FER: variants seen among roughly 807,000 people sequenced by gnomAD.
FER encodes the protein FER tyrosine kinase, also known as tyrosine-protein kinase Fer.
A neutral mutation model predicts 111.0 loss-of-function variants in FER; 63 were observed. The observed-to-expected ratio is 0.57, with a 90% CI of 0.46 to 0.70. The LOEUF (loss-of-function observed/expected upper bound fraction) is 0.70, where lower values mean the gene tolerates loss of function less well. FER is among the 30% of genes least tolerant of loss of function. FER has a pLI of 0.00. For synonymous variants in FER, 327 were observed against 313.9 expected (o/e 1.04, Z -0.44); for missense variants, 914 against 954.0 (o/e 0.96, Z 0.55).
intron 13 of FER, among the ~76,000 whole-genome samples, chr5:109,011,201 T>C (rs1326149841): frequency 7.2e-5 from 11 of 152,154 alleles, no homozygotes; most frequent in Admixed American, 1.3e-4. Context: ...GTATTAGAAA[T>C]TCTTCTAAGA....
At chr5:108,988,983 ATTGTT>A (rs1762869324) in intron 13 of FER, among the ~76,000 whole-genome samples, 1 of 152,074 alleles carries the variant, frequency 6.6e-6, no homozygotes, top group East Asian at 1.9e-4. Flanking sequence ...ACATTGTGTC[ATTGTT>A]ATTGTTCGTT....
chr5:108,942,954 G>C (rs1003650426), intron 10 of FER, among the ~76,000 whole-genome samples: 4 of 152,096 alleles, frequency 2.6e-5, no homozygotes, highest in Non-Finnish European at 1.5e-5. Context: ...GTAGCTGGCT[G>C]TTCCTACAGA....
Position 109,146,266 on chromosome 5 carries a change from A to C in FER, c.2049-34481A>C, listed in dbSNP as rs546720123. ...TATAATCTATCTAATATATATATATATATATATATATATATATATATATAT... is the reference window on the plus strand; with the variant it reads ...TATAATCTATCTAATATATATATATCTATATATATATATATATATATATAT... On this transcript the variant is annotated intron_variant, in intron 17 of 19. Transcript: ENST00000281092. Among the ~76,000 whole-genome samples, 52 of 88,166 alleles carry C rather than the reference A, an allele frequency of 5.9e-4. 1 individual carries two copies. The highest frequency in any genetic ancestry group is 2.6e-3 in the African/African-American group (49 of 18,966). 57.8% of individuals were successfully genotyped at this position (88,166 alleles called of 152,430 possible).
At chr5:108,759,849 G>T (rs747112063) in intron 1 of FER, among the ~76,000 whole-genome samples, 13 of 152,156 alleles carry the variant, frequency 8.5e-5, no homozygotes, top group Non-Finnish European at 1.9e-4. Context: ...CCAATACAAT[G>T]ACCCTGGGGA....
chr5:108,825,341 G>A (rs1012723568), intron 3 of FER, among the ~76,000 whole-genome samples: 6 of 152,190 alleles, frequency 3.9e-5, no homozygotes, highest in Non-Finnish European at 5.9e-5. Flanking sequence ...CCCTAGGTGC[G>A]CATTCTCTTT....
intron 13 of FER, among the ~76,000 whole-genome samples, chr5:108,980,005 A>G (rs1761848096): frequency 6.6e-6 from 1 of 152,056 alleles, no homozygotes; most frequent in South Asian, 2.1e-4. Context: ...CATTAAAGTG[A>G]TCTGTGGTTT....
chr5:108,848,251 A>G (rs1397996874), intron 5 of FER, among the ~76,000 whole-genome samples: 1 of 152,212 alleles, frequency 6.6e-6, no homozygotes, highest in African/African-American at 2.4e-5. Flanking sequence ...TGTAAACAGC[A>G]TATAGTTATC....
intron 17 of FER, among the ~76,000 whole-genome samples, chr5:109,145,580 G>A (rs934964940): frequency 2.6e-5 from 4 of 151,964 alleles, no homozygotes; most frequent in Admixed American, 2.0e-4. Context: ...GCATCAAGCA[G>A]TATCTTTGGA....
intron 3 of FER, among the ~76,000 whole-genome samples, chr5:108,819,011 ATAGT>A (rs761526567): frequency 2.0e-5 from 3 of 151,906 alleles, no homozygotes; most frequent in Non-Finnish European, 4.4e-5. Flanking sequence ...TTTAACCTAG[ATAGT>A]TATTCTTTTT....
chr5:109,125,884 G>C (rs1751653070), intron 17 of FER, among the ~76,000 whole-genome samples: 1 of 152,162 alleles, frequency 6.6e-6, no homozygotes, highest in Non-Finnish European at 1.5e-5. Context: ...GGCATCACCT[G>C]ACTGTTTCGG....
At chr5:109,066,092 G>C (rs1312791186) in intron 16 of FER, among the ~76,000 whole-genome samples, 1 of 152,060 alleles carries the variant, frequency 6.6e-6, no homozygotes, top group African/African-American at 2.4e-5. Flanking sequence ...ATATTTTCAG[G>C]TTAGAATCTG....
At chr5:108,921,054 C>T (rs958304921) in intron 10 of FER, among the ~76,000 whole-genome samples, 1 of 152,058 alleles carries the variant, frequency 6.6e-6, no homozygotes. Flanking sequence ...TGACCAACTG[C>T]CTTCTTTTGA....
At chr5:109,049,275 C>G (rs1581794864) in intron 16 of FER, among the ~76,000 whole-genome samples, 1 of 152,158 alleles carries the variant, frequency 6.6e-6, no homozygotes, top group Non-Finnish European at 1.5e-5. Context: ...CAGGGTCTCA[C>G]AAAGCCAAAA....
At chr5:108,826,348 A>G (rs1759466563) in intron 3 of FER, among the ~76,000 whole-genome samples, 1 of 152,184 alleles carries the variant, frequency 6.6e-6, no homozygotes, top group African/African-American at 2.4e-5. Flanking sequence ...CTCTAGAATT[A>G]TATTGAGGAT....
chr5:109,191,682 C>T lies in FER; in HGVS notation c.*4107C>T, dbSNP rs1212678443. The T allele has an allele frequency of 1.3e-5, 2 of 152,064 alleles. No homozygotes were observed. Among genetic ancestry groups the T allele is most frequent in the South Asian group, 2.1e-4 (1 of 4,820 alleles). 9.4% of individuals were successfully genotyped at this position (152,064 alleles called of 1,614,324 possible). A position where few individuals can be genotyped will look rare whatever the true frequency, so the allele number is the denominator to read the frequency against. On this transcript the variant is annotated 3_prime_UTR_variant, in exon 20 of 20. Transcript: ENST00000281092. ...GTGTGAAAGTTTACCATCAAAATAG[C>T]GTTACTTCTTTTATGACTAACTCTG...
At chr5:108,975,469 A>G (rs769676347) in intron 13 of FER, among the ~76,000 whole-genome samples, 11 of 152,200 alleles carry the variant, frequency 7.2e-5, no homozygotes, top group Non-Finnish European at 1.3e-4. Context: ...AATTAGTTAC[A>G]GTAGCAGTAG....
At chr5:108,761,608 C>T (rs142963910) in intron 1 of FER, among the ~76,000 whole-genome samples, 58 of 152,090 alleles carry the variant, frequency 3.8e-4, no homozygotes, top group East Asian at 2.9e-3. Flanking sequence ...AACACAGAGG[C>T]GTGAAATGTG....
intron 13 of FER, among the ~76,000 whole-genome samples, chr5:108,981,087 A>T (rs1761969894): frequency 6.6e-6 from 1 of 152,118 alleles, no homozygotes; most frequent in South Asian, 2.1e-4. Context: ...GAAGCACAAT[A>T]AAATAAGGTA....
chr5:108,798,752 G>T (rs773596211), intron 3 of FER, among the ~76,000 whole-genome samples: 26 of 152,154 alleles, frequency 1.7e-4, no homozygotes, highest in Non-Finnish European at 3.2e-4. Context: ...GGAGGTTGAG[G>T]TGGGAGGATT....
Sources: gnomAD v4.1 joint callset for allele counts (sites outside exome capture counted in the v4.1 genomes callset) on GRCh38, gnomAD v4.1.1 for gene constraint, MANE v1.5 for transcripts, NCBI Gene and HGNC (gene_info 2026-07-23, HGNC 2026-07-21) for gene names.